Variants in MALRD1 observed in about 807,000 individuals in gnomAD.
MALRD1 encodes MAM and LDL-receptor class A domain-containing protein 1.
MALRD1 carries 247 observed loss-of-function variants against 242.1 expected under a neutral mutation model. The ratio of observed to expected loss-of-function variants is 1.02; its 90% confidence interval spans 0.92 to 1.13. The LOEUF is 1.13. Among genes scored for constraint, MALRD1 ranks in the 50% most tolerant of loss-of-function variants. MALRD1 has a pLI of 0.00. For synonymous variants in MALRD1, 995 were observed against 866.6 expected, an observed-to-expected ratio of 1.15 and a Z score of -2.60; for missense variants, 2,989 against 2,533.1, an observed-to-expected ratio of 1.18 and a Z score of -3.86.
intron 1 of MALRD1, among the ~76,000 whole-genome samples, chr10:19,063,742 A>G (rs1272764459): frequency 7.1e-6 from 1 of 141,266 alleles, no homozygotes; most frequent in Non-Finnish European, 1.5e-5. Context: ...GAATTGAAGA[A>G]TGAGAACACA....
Position 19,630,366 on chromosome 10 carries a change from CTT to C in MALRD1, c.6137+14446_6137+14447del, listed in dbSNP as rs546470436. On this transcript the variant is annotated intron_variant, in intron 36 of 39. Coordinates refer to ENST00000454679, the MANE Select transcript of MALRD1 (RefSeq NM_001142308.3). ...CATATAATATCACTTCATAGTAAGT[CTT>C]TTCGTTTTAGTGCTACCACCATCTA... 4.7e-4 allele frequency among the ~76,000 whole-genome samples: 71 copies of C among 152,170 alleles called. No homozygotes were observed. In the South Asian group the frequency reaches 7.1e-3, roughly 15 times the overall value.
chr10:19,312,032 G>C (rs546120267), intron 21 of MALRD1, among the ~76,000 whole-genome samples: 1 of 151,268 alleles, frequency 6.6e-6, no homozygotes, highest in Non-Finnish European at 1.5e-5. Context: ...ATAAATAACC[G>C]ATAAAGGCAG....
intron 21 of MALRD1, among the ~76,000 whole-genome samples, chr10:19,285,176 C>A (rs964079210): frequency 2.1e-5 from 3 of 142,708 alleles, no homozygotes; most frequent in African/African-American, 2.7e-5. Flanking sequence ...GAGTAGGTTG[C>A]GAAAATTTTC....
At chr10:19,139,548 G>A (rs1833469077) in intron 10 of MALRD1, among the ~76,000 whole-genome samples, 1 of 152,248 alleles carries the variant, frequency 6.6e-6, no homozygotes, top group Non-Finnish European at 1.5e-5. Context: ...ATATGAACTC[G>A]TGAGGATTGT....
chr10:19,372,090 C>T (rs1042796258), intron 26 of MALRD1, among the ~76,000 whole-genome samples: 25 of 151,906 alleles, frequency 1.6e-4, no homozygotes, highest in African/African-American at 5.6e-4. Context: ...TATACAATTA[C>T]GTTAAATAAA....
At chr10:19,216,041 G>C (rs1837298116) in intron 18 of MALRD1, among the ~76,000 whole-genome samples, 1 of 150,604 alleles carries the variant, frequency 6.6e-6, no homozygotes, top group Admixed American at 6.6e-5. Context: ...GAAAGGTAGA[G>C]TATTGAAAAA....
chr10:19,440,535 A>C (rs1454810552), intron 28 of MALRD1, among the ~76,000 whole-genome samples: 2 of 151,816 alleles, frequency 1.3e-5, no homozygotes, highest in Admixed American at 6.6e-5. Context: ...GATGTTCCCC[A>C]CCCTGTGTCC....
chr10:19,719,218 A>ATG (rs1491126854), intron 38 of MALRD1, among the ~76,000 whole-genome samples: 1 of 64,562 alleles, frequency 1.5e-5, no homozygotes, highest in African/African-American at 7.3e-5. Flanking sequence ...ATATACACAT[A>ATG]CATACATATA....
At chr10:19,197,413 T>A (rs1362851500) in intron 14 of MALRD1, among the ~76,000 whole-genome samples, 1 of 152,176 alleles carries the variant, frequency 6.6e-6, no homozygotes, top group Non-Finnish European at 1.5e-5. Context: ...GCTTAAAACA[T>A]CCCAGTTGGT....
intron 32 of MALRD1, among the ~76,000 whole-genome samples, chr10:19,549,047 A>G (rs1047392865): frequency 3.3e-5 from 5 of 152,218 alleles, no homozygotes; most frequent in African/African-American, 1.2e-4. Context: ...AATATGGAGA[A>G]GGTTTAAATG....
intron 36 of MALRD1, among the ~76,000 whole-genome samples, chr10:19,678,378 C>T (rs1041215757): frequency 3.3e-5 from 5 of 152,030 alleles, no homozygotes; most frequent in Non-Finnish European, 7.4e-5. Flanking sequence ...TTGAAGAGGG[C>T]CTTCATTTCC....
chr10:19,718,030 A>AAAGAGGAAGAAG (rs199915394), intron 38 of MALRD1, among the ~76,000 whole-genome samples: 83 of 148,628 alleles, frequency 5.6e-4, no homozygotes, highest in African/African-American at 1.4e-3. Context: ...ATAAATAAAT[A>AAAGAGGAAGAAG]AAGAGGAAGA....
intron 5 of MALRD1, among the ~76,000 whole-genome samples, chr10:19,110,858 G>T (rs1275877086): frequency 6.6e-6 from 1 of 152,132 alleles, no homozygotes; most frequent in African/African-American, 2.4e-5. Context: ...TCATTGGCTG[G>T]TCTGGCTAAT....
At chr10:19,105,703 C>T (rs1445976752) in intron 5 of MALRD1, among the ~76,000 whole-genome samples, 5 of 152,040 alleles carry the variant, frequency 3.3e-5, no homozygotes, top group Admixed American at 2.0e-4. Flanking sequence ...TTAACTTTGA[C>T]TTTTTGATAG....
intron 28 of MALRD1, among the ~76,000 whole-genome samples, chr10:19,424,076 A>G (rs1461714118): frequency 6.6e-6 from 1 of 152,214 alleles, no homozygotes; most frequent in Admixed American, 6.5e-5. Flanking sequence ...GTTTAATGAA[A>G]AAAATTGAGC....
intron 21 of MALRD1, among the ~76,000 whole-genome samples, chr10:19,288,749 C>T (rs764818208): frequency 6.6e-6 from 1 of 152,050 alleles, no homozygotes; most frequent in African/African-American, 2.4e-5. Flanking sequence ...TGCAGATGCT[C>T]TTATATTAAA....
chr10:19,237,220 A>C (rs1449663978), intron 18 of MALRD1, among the ~76,000 whole-genome samples: 1 of 151,720 alleles, frequency 6.6e-6, no homozygotes, highest in Non-Finnish European at 1.5e-5. Flanking sequence ...TTTGCAAAGA[A>C]CACTAAAACT....
intron 26 of MALRD1, among the ~76,000 whole-genome samples, chr10:19,357,515 A>G (rs1004132876): frequency 1.3e-5 from 2 of 152,158 alleles, no homozygotes; most frequent in Non-Finnish European, 2.9e-5. Context: ...TGGCAAAATT[A>G]TATTTCTTGC....
At chr10:19,132,421 G>C (rs1424027258) in intron 8 of MALRD1, among the ~76,000 whole-genome samples, 1 of 152,206 alleles carries the variant, frequency 6.6e-6, no homozygotes, top group African/African-American at 2.4e-5. Context: ...CTTCACAGTT[G>C]ATATGAATAA....
Sources: allele counts gnomAD v4.1 joint callset (sites outside exome capture counted in the v4.1 genomes callset), GRCh38; gene constraint gnomAD v4.1.1; transcripts MANE v1.5; gene names NCBI Gene and HGNC (gene_info 2026-07-23, HGNC 2026-07-21).